SLC25A43: variants seen among roughly 807,000 people sequenced by gnomAD.
SLC25A43 encodes the protein solute carrier family 25 member 43.
In SLC25A43, 10 loss-of-function variants were observed where a neutral mutation model predicts 22.8. That is an observed-to-expected ratio of 0.44 (90% confidence interval 0.27 to 0.74). The LOEUF (loss-of-function observed/expected upper bound fraction) is 0.74. SLC25A43 is among the 30% of genes least tolerant of loss of function. The pLI is 0.17. For missense variants in SLC25A43, 233 were observed against 279.1 expected, an observed-to-expected ratio of 0.83 and a Z score of 1.18; for synonymous variants, 106 against 121.6, an observed-to-expected ratio of 0.87 and a Z score of 0.84.
At chrX:119,426,766 T>A (rs1437613766) in intron 3 of SLC25A43, among the ~76,000 whole-genome samples, 2 of 107,120 alleles carry the variant, frequency 1.9e-5, no homozygotes, top group Admixed American at 2.0e-4. Context: ...GAGGTTACAG[T>A]GAGCCGAGAT....
intron 3 of SLC25A43, among the ~76,000 whole-genome samples, chrX:119,419,068 C>T (rs764321193): frequency 1.5e-3 from 165 of 112,337 alleles, no homozygotes; most frequent in African/African-American, 5.0e-3. Flanking sequence ...AAATGGCTCT[C>T]TGCACAGGTG....
chrX:119,451,843 T>C, intron 3 of SLC25A43, 166 bp from the exon 4 acceptor site: 1 of 1,104,384 alleles, frequency 9.1e-7, no homozygotes, highest in Non-Finnish European at 1.2e-6. Flanking sequence ...TTAATATCTG[T>C]TCTAAGCCCA....
At chrX:119,400,966 C>T (rs2147247306) in intron 1 of SLC25A43, among the ~76,000 whole-genome samples, 1 of 111,560 alleles carries the variant, frequency 9.0e-6, no homozygotes, top group East Asian at 2.8e-4. Context: ...GGAAATCTTC[C>T]TTTGGATGGG....
chrX:119,451,650 G>A (rs897741472), intron 3 of SLC25A43, among the ~76,000 whole-genome samples: 2 of 111,865 alleles, frequency 1.8e-5, no homozygotes, highest in African/African-American at 6.5e-5. Context: ...GGAAGGACCA[G>A]TAAAGACAAG....
chrX:119,452,815 A>T lies in SLC25A43; in HGVS notation c.826-50A>T, dbSNP rs2052716372. ...ATCCAAGTTGACTGCAGACACATTG[A>T]TGTTTTCTTTTTAAGAACTTAACTT... On this transcript the variant is annotated intron_variant, in intron 4 of 4. Transcript: ENST00000217909. The T allele has an allele frequency of 4.8e-6, 5 of 1,033,736 alleles. No homozygotes were observed. In the East Asian group the frequency reaches 1.5e-4, roughly 31 times the overall value. The allele number at this position is 1,033,736 out of a possible 1,213,427, so 85.2% of individuals were successfully genotyped here. A position where few individuals can be genotyped will look rare whatever the true frequency, so the allele number is the denominator to read the frequency against.
At chrX:119,417,446 GA>G (rs1343385362) in intron 3 of SLC25A43, among the ~76,000 whole-genome samples, 2 of 110,280 alleles carry the variant, frequency 1.8e-5, no homozygotes, top group Non-Finnish European at 3.8e-5. Flanking sequence ...GAAAAGAAAA[GA>G]AAAAGGTTTC....
At chrX:119,406,808 G>T in intron 2 of SLC25A43, 107 bp downstream of exon 2, 1 of 934,247 alleles carries the variant, frequency 1.1e-6, no homozygotes. Context: ...TGAGATCAAG[G>T]TTATATGGAT....
intron 3 of SLC25A43, among the ~76,000 whole-genome samples, chrX:119,412,158 C>T (rs1316081513): frequency 9.0e-6 from 1 of 111,369 alleles, no homozygotes; most frequent in Non-Finnish European, 1.9e-5. Flanking sequence ...ACTAAACAGC[C>T]TGAAGGTGCT....
Position 119,406,317 on chromosome X carries a change from C to G in SLC25A43, c.276-143C>G, listed in dbSNP as rs765603472. 1,377 of 638,712 alleles carry G rather than the reference C, an allele frequency of 2.2e-3. 3 individuals are homozygous for G. The highest frequency in any genetic ancestry group is 2.9e-3 in the Non-Finnish European group (1,245 of 425,962). The allele number at this position is 638,712 out of a possible 1,213,427, so 52.6% of individuals were successfully genotyped here. ...TATAGAAAAATGTAAATGTATTATT[C>G]ATGAATGCTTATATAGTACTATAGT... On this transcript the variant is annotated intron_variant, in intron 1 of 4. Transcript: ENST00000217909.
rs1324503176 is a variant in SLC25A43 at position 119,448,138 on chromosome X, C to T, written c.691-3871C>T. On this transcript the variant is annotated intron_variant, in intron 3 of 4. Coordinates refer to ENST00000217909, the MANE Select transcript of SLC25A43 (RefSeq NM_145305.3). Reference sequence around the variant, plus strand: ...AGCCATCCTTGACTCTCCTCTCACACCCTCATCCAGTCCATCAGCCAATCC... The same window carrying T: ...AGCCATCCTTGACTCTCCTCTCACATCCTCATCCAGTCCATCAGCCAATCC... 4.5e-5 allele frequency among the ~76,000 whole-genome samples: 5 copies of T among 111,527 alleles called. No homozygotes were observed. The East Asian group carries it at 1.4e-3, about 32-fold the overall frequency.
chrX:119,428,808 C>T (rs2052530110), intron 3 of SLC25A43, among the ~76,000 whole-genome samples: 1 of 111,826 alleles, frequency 8.9e-6, no homozygotes, highest in Non-Finnish European at 1.9e-5. Context: ...TCAGCGGCGG[C>T]ATTAGATTCT....
Position 119,429,438 on chromosome X carries a change from T to C in SLC25A43, c.690+19076T>C, listed in dbSNP as rs1019738528. On this transcript the variant is annotated intron_variant, in intron 3 of 4. Coordinates refer to ENST00000217909, the MANE Select transcript of SLC25A43 (RefSeq NM_145305.3). ...AAAACGTTGCCTCTGTTGGAAGACC[T>C]CTGAGGAATTTATCACAGGAATAAT... 2.7e-5 allele frequency among the ~76,000 whole-genome samples: 3 copies of C among 112,327 alleles called. No homozygotes were observed. The Admixed American group carries it at 2.8e-4, about 11-fold the overall frequency.
At chrX:119,449,324 G>A (rs890301701) in intron 3 of SLC25A43, among the ~76,000 whole-genome samples, 4 of 105,905 alleles carry the variant, frequency 3.8e-5, no homozygotes, top group African/African-American at 1.4e-4. Flanking sequence ...TGAGGCAGGA[G>A]AATTGCTTGA....
intron 3 of SLC25A43, among the ~76,000 whole-genome samples, chrX:119,416,288 C>T (rs2052401662): frequency 9.1e-6 from 1 of 109,854 alleles, no homozygotes; most frequent in Admixed American, 9.8e-5. Flanking sequence ...GGCGTGATCT[C>T]AGCTCACTGT....
rs73599665 is a variant in SLC25A43 at position 119,407,731 on chromosome X, T to C, written c.517+1030T>C. ...CTCCCTAGGCACATCAAATTCAAGATTAACCCTGATGTCCTCGTTGGTCTC... is the reference window on the plus strand; with the variant it reads ...CTCCCTAGGCACATCAAATTCAAGACTAACCCTGATGTCCTCGTTGGTCTC... On this transcript the variant is annotated intron_variant, in intron 2 of 4. Coordinates refer to ENST00000217909, the MANE Select transcript of SLC25A43 (RefSeq NM_145305.3). 8.5e-3 allele frequency among the ~76,000 whole-genome samples: 943 copies of C among 110,828 alleles called. 13 individuals carry two copies. The highest frequency in any genetic ancestry group is 0.028 in the African/African-American group (860 of 30,505).
Position 119,424,132 on chromosome X carries a change from G to A in SLC25A43, c.690+13770G>A, listed in dbSNP as rs1439595712. ...GGAGGCTGAGGCAGGAGAATGCCGCGAACCTGGGAGGCAGAGTTTGCAGTG... is the reference window on the plus strand; with the variant it reads ...GGAGGCTGAGGCAGGAGAATGCCGCAAACCTGGGAGGCAGAGTTTGCAGTG... On this transcript the variant is annotated intron_variant, in intron 3 of 4. Coordinates refer to ENST00000217909, the MANE Select transcript of SLC25A43 (RefSeq NM_145305.3). 6.6e-5 allele frequency among the ~76,000 whole-genome samples: 7 copies of A among 106,710 alleles called. No homozygotes were observed. The South Asian group carries it at 1.2e-3, about 19-fold the overall frequency. The allele number at this position is 106,710 out of a possible 115,157, so 92.7% of individuals were successfully genotyped here. A position where few individuals can be genotyped will look rare whatever the true frequency, so the allele number is the denominator to read the frequency against.
chrX:119,415,055 G>A (rs2052388263), intron 3 of SLC25A43, among the ~76,000 whole-genome samples: 1 of 109,153 alleles, frequency 9.2e-6, no homozygotes, highest in Non-Finnish European at 1.9e-5. Context: ...GAGTAGCTGG[G>A]ACTACAGGCA....
Position 119,443,722 on chromosome X carries a change from T to TA in SLC25A43, c.691-8287_691-8286insA, listed in dbSNP as rs1339316228. 5.8e-3 allele frequency among the ~76,000 whole-genome samples: 624 copies of TA among 106,787 alleles called. 6 individuals are homozygous for TA. Among genetic ancestry groups the TA allele is most frequent in the African/African-American group, 0.021 (602 of 29,133 alleles). The allele number at this position is 106,787 out of a possible 115,157, so 92.7% of individuals were successfully genotyped here. A position where few individuals can be genotyped will look rare whatever the true frequency, so the allele number is the denominator to read the frequency against. ...CCCTTCAACTTGATGGAGAATTATT[T>TA]TTTATTTATTTATTTATTTATTTAT... On this transcript the variant is annotated intron_variant, in intron 3 of 4. Coordinates refer to ENST00000217909, the MANE Select transcript of SLC25A43 (RefSeq NM_145305.3).
At chrX:119,418,737 A>G (rs2052427806) in intron 3 of SLC25A43, among the ~76,000 whole-genome samples, 1 of 112,131 alleles carries the variant, frequency 8.9e-6, no homozygotes, top group Non-Finnish European at 1.9e-5. Flanking sequence ...ATGTCTTGAT[A>G]GAATGGCTTC....
Sources: allele counts gnomAD v4.1 joint callset (sites outside exome capture counted in the v4.1 genomes callset), GRCh38; gene constraint gnomAD v4.1.1; transcripts MANE v1.5; gene names NCBI Gene and HGNC (gene_info 2026-07-23, HGNC 2026-07-21).